Variants in KIAA0319 observed in about 807,000 individuals in gnomAD.
KIAA0319 encodes KIAA0319, also known as dyslexia-associated protein KIAA0319.
A neutral mutation model predicts 108.4 loss-of-function variants in KIAA0319; 83 were observed. The ratio of observed to expected loss-of-function variants is 0.77; its 90% CI spans 0.64 to 0.92. The LOEUF (loss-of-function observed/expected upper bound fraction) is 0.92, where lower values mean the gene tolerates loss of function less well. Among genes scored for constraint, KIAA0319 ranks in the 40% least tolerant of loss-of-function variants. The pLI is 0.00. For missense variants in KIAA0319, 1,195 were observed against 1,322.4 expected, an observed-to-expected ratio of 0.90 and a Z score of 1.49; for synonymous variants, 484 against 510.4, an observed-to-expected ratio of 0.95 and a Z score of 0.70.
intron 13 of KIAA0319, among the ~76,000 whole-genome samples, chr6:24,567,663 A>T (rs1191634869): frequency 6.6e-6 from 1 of 152,330 alleles, no homozygotes; most frequent in East Asian, 1.9e-4. Flanking sequence ...ATCACAGCAC[A>T]GTACTCCAGT....
At chr6:24,550,946 G>A (rs75808575) in intron 20 of KIAA0319, among the ~76,000 whole-genome samples, 9 of 151,494 alleles carry the variant, frequency 5.9e-5, no homozygotes, top group Non-Finnish European at 1.0e-4. Context: ...CCCCACCCCC[G>A]CATTAGCATA....
chr6:24,579,793 C>G, intron 8 of KIAA0319, 65 bp downstream of exon 8: 1 of 1,254,734 alleles, frequency 8.0e-7, no homozygotes, highest in South Asian at 1.3e-5. Context: ...TGATGCAGAG[C>G]ACTCATTACA....
Position 24,569,900 on chromosome 6 carries a change from T to G in KIAA0319, c.1991+3A>C. 6.2e-7 allele frequency: 1 copy of G among 1,614,012 alleles called. No individual in the cohort carries two copies. The highest frequency in any genetic ancestry group is 8.5e-7 in the Non-Finnish European group (1 of 1,179,896). ...AACCTAGCTCAGTGGCGAGACAGAC[T>G]ACCTGACGTGCTCCCAGTGGTAGAA... On this transcript the variant is annotated splice_donor_region_variant and intron_variant, in intron 12 of 20. Coordinates refer to ENST00000378214, the MANE Select transcript of KIAA0319 (RefSeq NM_014809.4).
intron 1 of KIAA0319, among the ~76,000 whole-genome samples, chr6:24,636,674 C>T (rs777361217): frequency 6.6e-6 from 1 of 152,134 alleles, no homozygotes; most frequent in Non-Finnish European, 1.5e-5. Context: ...ATGAATAACT[C>T]ATTTTAAAAA....
At chr6:24,568,510 G>A (rs1008044981) in intron 13 of KIAA0319, among the ~76,000 whole-genome samples, 3 of 152,230 alleles carry the variant, frequency 2.0e-5, no homozygotes, top group Non-Finnish European at 4.4e-5. Context: ...TCATTTGGAC[G>A]TGGGTCTTTC....
At position 24,599,322 on chromosome 6, in the gene KIAA0319, C is replaced by T. The variant is rs535052528; in HGVS notation, c.55+1727G>A. On this transcript the variant is annotated intron_variant, in intron 2 of 20. Transcript: ENST00000378214. The surrounding 1 kb of genome is among the most constrained non-coding windows in gnomAD (Gnocchi z 4.1). Reference sequence around the variant, plus strand: ...CCGGCTCCAGACTGAGACTGAGGGCCTCAAAGGCTAGAGGGCTTCCCTAGA... The same window carrying T: ...CCGGCTCCAGACTGAGACTGAGGGCTTCAAAGGCTAGAGGGCTTCCCTAGA... 3.2e-5 allele frequency: 16 copies of T among 497,206 alleles called. No individual in the cohort carries two copies. The highest frequency in any genetic ancestry group is 1.9e-4 in the African/African-American group (10 of 51,656). 30.8% of individuals were successfully genotyped at this position (497,206 alleles called of 1,614,324 possible). A position where few individuals can be genotyped will look rare whatever the true frequency, so the allele number is the denominator to read the frequency against.
chr6:24,615,518 G>C (rs1773035507), intron 1 of KIAA0319, among the ~76,000 whole-genome samples: 1 of 152,056 alleles, frequency 6.6e-6, no homozygotes, highest in Non-Finnish European at 1.5e-5. Flanking sequence ...AAATTAGTCA[G>C]GTGAGACACA....
chr6:24,547,637 G>C (rs771304442), intron 20 of KIAA0319, among the ~76,000 whole-genome samples: 1 of 152,174 alleles, frequency 6.6e-6, no homozygotes, highest in Non-Finnish European at 1.5e-5. Context: ...AGATAACAAA[G>C]CATCTACCCC....
At chr6:24,609,273 C>CAAAAAAAAAAAAAAAAAAAAAAAAAAA (rs886616830) in intron 1 of KIAA0319, among the ~76,000 whole-genome samples, 1 of 74,840 alleles carries the variant, frequency 1.3e-5, no homozygotes, top group Non-Finnish European at 2.8e-5. Context: ...GTCTCAAAAA[C>CAAAAAAAAAAAAAAAAAAAAAAAAAAA]AAAAAAAAAA....
chr6:24,591,391 T>C (rs1768437310), intron 3 of KIAA0319, among the ~76,000 whole-genome samples: 1 of 152,146 alleles, frequency 6.6e-6, no homozygotes, highest in Admixed American at 6.5e-5. Flanking sequence ...GAGGATTCTT[T>C]AAGCCCAGGA....
rs919927929 is a variant in KIAA0319, at chr6:24,599,712, A to G, written c.55+1337T>C. The G allele has an allele frequency of 1.7e-6, 1 of 587,374 alleles. No homozygotes were observed. Among genetic ancestry groups the G allele is most frequent in the Non-Finnish European group, 3.1e-6 (1 of 320,052 alleles). The allele number at this position is 587,374 out of a possible 1,614,324, so 36.4% of individuals were successfully genotyped here. On this transcript the variant is annotated intron_variant, in intron 2 of 20. Transcript: ENST00000378214. The surrounding 1 kb of genome is among the most constrained non-coding windows in gnomAD (Gnocchi z 4.1). ...CTCCTTCAGCAGCACCAACTCCTTCAGGGCCATGGTTGTGAAGAAGATCGA... is the reference window on the plus strand; with the variant it reads ...CTCCTTCAGCAGCACCAACTCCTTCGGGGCCATGGTTGTGAAGAAGATCGA...
chr6:24,582,185 G>C, intron 6 of KIAA0319, 64 bp downstream of exon 6: 1 of 903,406 alleles, frequency 1.1e-6, no homozygotes, highest in Non-Finnish European at 1.9e-6. Flanking sequence ...AGCTAAGAAG[G>C]TATTAACTGA....
intron 13 of KIAA0319, among the ~76,000 whole-genome samples, chr6:24,567,916 G>T (rs934203566): frequency 1.3e-5 from 2 of 152,118 alleles, no homozygotes; most frequent in Non-Finnish European, 2.9e-5. Context: ...TTTCCCCTTA[G>T]AAACAAGTCA....
Position 24,608,713 on chromosome 6 carries a change from G to C in KIAA0319, c.-105-7505C>G, listed in dbSNP as rs181114662. Reference sequence around the variant, plus strand: ...TGGGAGGCCGAGGCGGGCGGATCACGAGGTCAGGAGATCGAGACCATCCTG... The same window carrying C: ...TGGGAGGCCGAGGCGGGCGGATCACCAGGTCAGGAGATCGAGACCATCCTG... On this transcript the variant is annotated intron_variant, in intron 1 of 20. Coordinates refer to ENST00000378214, the MANE Select transcript of KIAA0319 (RefSeq NM_014809.4). 7.6e-3 allele frequency among the ~76,000 whole-genome samples: 1,152 copies of C among 151,748 alleles called. 10 individuals are homozygous for C. The highest frequency in any genetic ancestry group is 0.025 in the African/African-American group (1,018 of 41,410).
At chr6:24,618,022 A>G (rs184886850) in intron 1 of KIAA0319, among the ~76,000 whole-genome samples, 1 of 151,976 alleles carries the variant, frequency 6.6e-6, no homozygotes, top group African/African-American at 2.4e-5. Context: ...AAAAATAAAT[A>G]TAAGAAATAG....
At chr6:24,607,885 C>T (rs1443620265) in intron 1 of KIAA0319, among the ~76,000 whole-genome samples, 2 of 151,992 alleles carry the variant, frequency 1.3e-5, no homozygotes, top group Non-Finnish European at 2.9e-5. Context: ...CTCTCCATGC[C>T]AAATAACTTT....
intron 20 of KIAA0319, among the ~76,000 whole-genome samples, chr6:24,549,092 C>T (rs1256602627): frequency 2.0e-5 from 3 of 151,548 alleles, no homozygotes; most frequent in South Asian, 4.2e-4. Context: ...GAGGCCGAGG[C>T]GGGTGGATCA....
intron 1 of KIAA0319, among the ~76,000 whole-genome samples, chr6:24,623,055 AAGAG>A (rs561626773): frequency 1.5e-4 from 23 of 151,706 alleles, no homozygotes; most frequent in Admixed American, 2.6e-4. Flanking sequence ...AGAAAAAAAA[AAGAG>A]AGAGAGAGAG....
At chr6:24,642,908 A>G (rs1056393903) in intron 1 of KIAA0319, among the ~76,000 whole-genome samples, 1 of 152,084 alleles carries the variant, frequency 6.6e-6, no homozygotes, top group Admixed American at 6.5e-5. Context: ...GGGTTTCACC[A>G]TGTTGGCCAG....
Sources: allele counts gnomAD v4.1 joint callset (sites outside exome capture counted in the v4.1 genomes callset), GRCh38; gene constraint gnomAD v4.1.1; non-coding constraint Gnocchi (gnomAD v3.1); transcripts MANE v1.5; gene names NCBI Gene and HGNC (gene_info 2026-07-23, HGNC 2026-07-21).